Variants in ELAC1 observed in about 807,000 individuals in gnomAD.
ELAC1 encodes elaC ribonuclease Z 1.
In ELAC1, 19 loss-of-function variants were observed where a neutral mutation model predicts 25.8. The observed-to-expected ratio is 0.74, with a 90% CI of 0.51 to 1.08. The LOEUF (loss-of-function observed/expected upper bound fraction) is 1.08, where lower values mean the gene tolerates loss of function less well. Ranked by LOEUF, ELAC1 falls within the 50% of genes least tolerant of loss-of-function variation. The pLI is 0.00. For missense variants in ELAC1, 403 were observed against 434.6 expected, an observed-to-expected ratio of 0.93 and a Z score of 0.65; for synonymous variants, 148 against 160.9, an observed-to-expected ratio of 0.92 and a Z score of 0.61.
intron 1 of ELAC1, among the ~76,000 whole-genome samples, chr18:50,973,051 C>T (rs935183858): frequency 3.9e-5 from 6 of 152,114 alleles, no homozygotes; most frequent in South Asian, 4.1e-4. Context: ...ATCTTTTATT[C>T]GTGTGAATCT....
chr18:50,976,720 C>A (rs759617975), intron 2 of ELAC1, among the ~76,000 whole-genome samples: 1 of 152,160 alleles, frequency 6.6e-6, no homozygotes, highest in Non-Finnish European at 1.5e-5. Flanking sequence ...TCCCAATAGT[C>A]CCCCAAAGTC....
intron 3 of ELAC1, among the ~76,000 whole-genome samples, chr18:50,985,231 T>C (rs1908074332): frequency 6.6e-6 from 1 of 152,238 alleles, no homozygotes; most frequent in Non-Finnish European, 1.5e-5. Context: ...GATACGTGTT[T>C]TTGATGACAT....
intron 1 of ELAC1, among the ~76,000 whole-genome samples, chr18:50,971,245 A>C (rs144651642): frequency 5.3e-5 from 8 of 152,322 alleles, no homozygotes; most frequent in African/African-American, 1.9e-4. Flanking sequence ...ATATATTCCA[A>C]ATTATTCTCC....
In ELAC1 at chr18:50,986,011, C is replaced by CTTTT. The variant is rs34348056; in HGVS notation, c.626-587_626-584dup. On this transcript the variant is annotated intron_variant, in intron 3 of 3. Transcript: ENST00000269466. ...TGTTTTGACTAGGTGTTGATTATATCTTTTTTTTTTTTTTTTTTTTTTTTG... is the reference window on the plus strand; with the variant it reads ...TGTTTTGACTAGGTGTTGATTATATCTTTTTTTTTTTTTTTTTTTTTTTTTTTTG... Among the ~76,000 whole-genome samples, 219 of 85,030 alleles carry CTTTT rather than the reference C, an allele frequency of 2.6e-3. 1 individual carries two copies. The highest frequency in any genetic ancestry group is 8.9e-3 in the Middle Eastern group (1 of 112). 55.8% of individuals were successfully genotyped at this position (85,030 alleles called of 152,430 possible).
intron 2 of ELAC1, among the ~76,000 whole-genome samples, chr18:50,977,470 ACCTT>A (rs1287038660): frequency 6.6e-6 from 1 of 152,226 alleles, no homozygotes; most frequent in Non-Finnish European, 1.5e-5. Flanking sequence ...CCTGAGCTGT[ACCTT>A]GGCCCCTTTA....
At chr18:50,976,829 A>C (rs960656820) in intron 2 of ELAC1, among the ~76,000 whole-genome samples, 2 of 152,226 alleles carry the variant, frequency 1.3e-5, no homozygotes, top group Non-Finnish European at 2.9e-5. Flanking sequence ...ATCAAAAGCA[A>C]GTTAGTTACT....
intron 2 of ELAC1, among the ~76,000 whole-genome samples, chr18:50,983,063 G>A (rs1412705468): frequency 6.6e-6 from 1 of 151,510 alleles, no homozygotes; most frequent in African/African-American, 2.4e-5. Flanking sequence ...GCAGTAGGGG[G>A]CAATGTAATT....
At chr18:50,985,498 G>A (rs887514713) in intron 3 of ELAC1, among the ~76,000 whole-genome samples, 2 of 152,186 alleles carry the variant, frequency 1.3e-5, no homozygotes, top group African/African-American at 4.8e-5. Context: ...ATGCATGAGG[G>A]GATCTTTTCA....
chr18:50,983,496 T>C (rs1908015092), intron 2 of ELAC1, among the ~76,000 whole-genome samples: 1 of 151,872 alleles, frequency 6.6e-6, no homozygotes, highest in Non-Finnish European at 1.5e-5. Flanking sequence ...AGAAAATGTA[T>C]TAAAATACTC....
intron 2 of ELAC1, among the ~76,000 whole-genome samples, chr18:50,976,690 T>C (rs1907803698): frequency 6.6e-6 from 1 of 152,180 alleles, no homozygotes; most frequent in African/African-American, 2.4e-5. Context: ...TGTCCTCACA[T>C]TTCAAAACCA....
rs34913293 is a variant in ELAC1 at position 50,974,523 on chromosome 18, G to A, written c.119G>A (p.Gly40Glu). The change falls in exon 2 of 4, where the codon GGA (glycine) becomes GAA (glutamate). Residue 40 changes from glycine (G) to glutamate (E), a missense_variant. By Grantham distance (98) the Gly-to-Glu change is moderately conservative. Coordinates refer to ENST00000269466, the MANE Select transcript of ELAC1 (RefSeq NM_018696.3). ...GECWLFDCGE[G>E]TQTQLMKSQL... Reference sequence around the variant, plus strand: ...TGCTGGCTCTTTGACTGTGGGGAGGGAACACAGACACAGCTTATGAAAAGC... The same window carrying A: ...TGCTGGCTCTTTGACTGTGGGGAGGAAACACAGACACAGCTTATGAAAAGC... The A allele has an allele frequency of 6.2e-7, 1 of 1,613,658 alleles. No individual in the cohort carries two copies. Among genetic ancestry groups the A allele is most frequent in the Non-Finnish European group, 8.5e-7 (1 of 1,179,822 alleles).
At chr18:50,976,594 G>T (rs1555681151) in intron 2 of ELAC1, among the ~76,000 whole-genome samples, 2 of 152,174 alleles carry the variant, frequency 1.3e-5, no homozygotes, top group Non-Finnish European at 2.9e-5. Flanking sequence ...GACATGTGGG[G>T]ATAATGGGAG....
intron 2 of ELAC1, among the ~76,000 whole-genome samples, chr18:50,974,872 C>G (rs915111963): frequency 6.6e-6 from 1 of 152,160 alleles, no homozygotes; most frequent in African/African-American, 2.4e-5. Context: ...AAGCAGTGTA[C>G]ATACTTACCT....
intron 2 of ELAC1, among the ~76,000 whole-genome samples, chr18:50,978,562 C>T (rs1308627047): frequency 1.1e-4 from 16 of 152,082 alleles, no homozygotes; most frequent in African/African-American, 2.9e-4. Context: ...TACTTCCCAC[C>T]GGGTCCCTCC....
At chr18:50,986,400 A>G (rs953522514) in intron 3 of ELAC1, among the ~76,000 whole-genome samples, 1 of 152,240 alleles carries the variant, frequency 6.6e-6, no homozygotes, top group Non-Finnish European at 1.5e-5. Flanking sequence ...CTTGTCTGAC[A>G]TGTATGCATG....
intron 1 of ELAC1, 53 bp downstream of exon 1, chr18:50,968,167 G>T (rs775652955): frequency 2.2e-3 from 339 of 152,220 alleles, no homozygotes; most frequent in Non-Finnish European, 3.9e-3. Flanking sequence ...CTCGGGACTC[G>T]CCGGCTCGAT....
chr18:50,986,483 T>C (rs923561145), intron 3 of ELAC1, 136 bp from the exon 4 acceptor site: 1 of 710,014 alleles, frequency 1.4e-6, no homozygotes, highest in Non-Finnish European at 2.3e-6. Context: ...TAAATCCAGT[T>C]TTCCACAAGT....
intron 2 of ELAC1, among the ~76,000 whole-genome samples, chr18:50,981,843 C>CTTT (rs750956755): frequency 1.3e-4 from 15 of 117,852 alleles, no homozygotes; most frequent in East Asian, 2.5e-4. Context: ...TGCTATAGTT[C>CTTT]TTTTTTTTTT....
At chr18:50,976,930 G>T (rs569811525) in intron 2 of ELAC1, among the ~76,000 whole-genome samples, 2 of 152,192 alleles carry the variant, frequency 1.3e-5, no homozygotes, top group Admixed American at 6.5e-5. Flanking sequence ...TAGGCCCCAC[G>T]CAAGTCCAAA....
Sources: gnomAD v4.1 joint callset for allele counts (sites outside exome capture counted in the v4.1 genomes callset) on GRCh38, gnomAD v4.1.1 for gene constraint, MANE v1.5 for transcripts, NCBI Gene and HGNC (gene_info 2026-07-23, HGNC 2026-07-21) for gene names.